GRB14: variants seen among roughly 807,000 people sequenced by gnomAD.
GRB14 encodes the protein growth factor receptor-bound protein 14.
A neutral mutation model predicts 69.1 loss-of-function variants in GRB14; 38 were observed. The observed-to-expected ratio is 0.55, with a 90% CI of 0.42 to 0.72. GRB14 has a LOEUF of 0.72. Ranked by LOEUF, GRB14 falls within the 30% of genes least tolerant of loss-of-function variation. GRB14 has a pLI of 0.00. For synonymous variants in GRB14, 247 were observed against 241.3 expected (o/e 1.02, Z -0.22); for missense variants, 666 against 666.1 (o/e 1.00, Z 0.00).
intron 8 of GRB14, among the ~76,000 whole-genome samples, chr2:164,503,442 CAAAAAAAAAAAAAAAAAAA>C (rs148268784): frequency 5.7e-4 from 53 of 92,232 alleles, no homozygotes; most frequent in African/African-American, 2.0e-3. Flanking sequence ...GGTAATTAGG[CAAAAAAAAAAAAAAAAAAA>C]AAAAAAAAAA....
chr2:164,502,901 A>C (rs1351308016), intron 8 of GRB14, among the ~76,000 whole-genome samples: 1 of 152,126 alleles, frequency 6.6e-6, no homozygotes, highest in African/African-American at 2.4e-5. Context: ...CTGGAAACCA[A>C]AATAGTGAGG....
intron 2 of GRB14, among the ~76,000 whole-genome samples, chr2:164,592,625 G>T (rs1401425308): frequency 6.6e-6 from 1 of 152,148 alleles, no homozygotes; most frequent in African/African-American, 2.4e-5. Flanking sequence ...CCTCTTCATT[G>T]TCTGACATTC....
intron 2 of GRB14, among the ~76,000 whole-genome samples, chr2:164,588,958 G>A (rs6432798): frequency 0.31 from 46,752 of 152,006 alleles, 11,136 homozygotes; most frequent in African/African-American, 0.67. Context: ...TTCCCAATTC[G>A]GAGAAAGAAT....
chr2:164,587,006 GATTAAATGAGCCT>G (rs1689555431), intron 2 of GRB14, among the ~76,000 whole-genome samples: 3 of 152,162 alleles, frequency 2.0e-5, no homozygotes, highest in Admixed American at 1.3e-4. Flanking sequence ...GTAGGCATGA[GATTAAATGAGCCT>G]ATTAAGTACA....
At chr2:164,562,311 C>A (rs995975396) in intron 2 of GRB14, among the ~76,000 whole-genome samples, 2 of 152,150 alleles carry the variant, frequency 1.3e-5, no homozygotes. Context: ...AACCACCTAT[C>A]TTGTATTTAA....
intron 2 of GRB14, among the ~76,000 whole-genome samples, chr2:164,578,218 G>A (rs1281799449): frequency 6.6e-6 from 1 of 151,594 alleles, no homozygotes; most frequent in East Asian, 1.9e-4. Context: ...GGGCAACAGA[G>A]CAAGACTCTG....
At chr2:164,524,876 C>A in intron 5 of GRB14, 128 bp downstream of exon 5, 2 of 544,006 alleles carry the variant, frequency 3.7e-6, no homozygotes, top group Non-Finnish European at 6.3e-6. Context: ...TTAGTTTTAC[C>A]TCCAGCAAAA....
At chr2:164,510,032 A>G (rs1687299889) in intron 6 of GRB14, among the ~76,000 whole-genome samples, 1 of 152,214 alleles carries the variant, frequency 6.6e-6, no homozygotes, top group African/African-American at 2.4e-5. Context: ...TTGCTTTAAA[A>G]AGACCCAGAA....
intron 2 of GRB14, among the ~76,000 whole-genome samples, chr2:164,618,024 G>T (rs1241878763): frequency 6.6e-6 from 1 of 151,398 alleles, no homozygotes; most frequent in East Asian, 2.0e-4. Flanking sequence ...TGGAGTGCAG[G>T]GGCACAATCT....
chr2:164,536,204 T>C (rs1688075435), intron 3 of GRB14, among the ~76,000 whole-genome samples: 1 of 152,208 alleles, frequency 6.6e-6, no homozygotes, highest in African/African-American at 2.4e-5. Flanking sequence ...AACACATTTA[T>C]TTGTCTTAGA....
intron 2 of GRB14, among the ~76,000 whole-genome samples, chr2:164,573,379 T>C (rs950473843): frequency 3.3e-5 from 5 of 152,210 alleles, no homozygotes; most frequent in African/African-American, 1.2e-4. Context: ...ATGATTTTTT[T>C]CTGAACAAAA....
At chr2:164,548,755 A>G (rs926991846) in intron 2 of GRB14, among the ~76,000 whole-genome samples, 1 of 152,048 alleles carries the variant, frequency 6.6e-6, no homozygotes, top group African/African-American at 2.4e-5. Flanking sequence ...CAGCCATCCT[A>G]ATGGGTATGA....
chr2:164,607,855 C>T (rs1371763954), intron 2 of GRB14, among the ~76,000 whole-genome samples: 5 of 152,032 alleles, frequency 3.3e-5, no homozygotes, highest in Admixed American at 2.6e-4. Flanking sequence ...ACCAAAAGTA[C>T]GAGGCTTCTG....
chr2:164,578,255 C>T (rs533780296), intron 2 of GRB14, among the ~76,000 whole-genome samples: 4 of 151,994 alleles, frequency 2.6e-5, no homozygotes, highest in African/African-American at 9.6e-5. Flanking sequence ...AAAAAGAATG[C>T]TTTAATAATC....
intron 2 of GRB14, among the ~76,000 whole-genome samples, chr2:164,618,871 T>C (rs1044710345): frequency 1.2e-4 from 19 of 152,220 alleles, no homozygotes; most frequent in African/African-American, 4.3e-4. Flanking sequence ...GCTATTTCAA[T>C]GTATTGTTTC....
intron 3 of GRB14, among the ~76,000 whole-genome samples, chr2:164,533,432 C>T (rs1688003095): frequency 6.6e-6 from 1 of 151,800 alleles, no homozygotes; most frequent in Non-Finnish European, 1.5e-5. Context: ...CGGGGTTTCA[C>T]CATGGTCTTG....
intron 2 of GRB14, among the ~76,000 whole-genome samples, chr2:164,559,409 C>A (rs1216422470): frequency 6.6e-6 from 1 of 152,138 alleles, no homozygotes; most frequent in Non-Finnish European, 1.5e-5. Context: ...GCAGCATATA[C>A]TGCACCATTT....
At chr2:164,547,629 A>T (rs1280345643) in intron 3 of GRB14, 31 bp downstream of exon 3, 1 of 1,561,900 alleles carries the variant, frequency 6.4e-7, no homozygotes. Context: ...TAGAAAAGCA[A>T]TGATGTGAGA....
chr2:164,581,782 CT>C (rs1372997767), intron 2 of GRB14, among the ~76,000 whole-genome samples: 1 of 152,212 alleles, frequency 6.6e-6, no homozygotes, highest in Non-Finnish European at 1.5e-5. Flanking sequence ...GATCTCTTCT[CT>C]TTCCTGGATA....
Sources: gnomAD v4.1 joint callset for allele counts (sites outside exome capture counted in the v4.1 genomes callset) on GRCh38, gnomAD v4.1.1 for gene constraint, MANE v1.5 for transcripts, NCBI Gene and HGNC (gene_info 2026-07-23, HGNC 2026-07-21) for gene names.